Variants in SDHA observed in about 807,000 individuals in gnomAD.
The protein encoded by SDHA is succinate dehydrogenase [ubiquinone] flavoprotein subunit, mitochondrial.
Under a neutral mutation model 78.4 loss-of-function variants are expected in SDHA, and 48 were observed. That is an observed-to-expected ratio of 0.61 (90% confidence interval 0.49 to 0.78). SDHA has a LOEUF of 0.78. Ranked by LOEUF, SDHA falls within the 30% of genes least tolerant of loss-of-function variation. The pLI is 0.00. For missense variants in SDHA, 680 were observed against 892.7 expected (o/e 0.76, Z 3.04); for synonymous variants, 326 against 353.9 (o/e 0.92, Z 0.88).
At chr5:255,624 G>A (rs893606792) in intron 14 of SDHA, among the ~76,000 whole-genome samples, 1 of 151,856 alleles carries the variant, frequency 6.6e-6, no homozygotes, top group Admixed American at 6.6e-5. Context: ...TATATGTTTT[G>A]TAGAGATGGG....
chr5:256,254 TA>T, intron 14 of SDHA, 79 bp from the exon 15 acceptor site: 2 of 1,039,792 alleles, frequency 1.9e-6, no homozygotes, highest in Middle Eastern at 2.0e-4. Flanking sequence ...CTTTTATAGT[TA>T]AAATTTTTCA....
In SDHA at chr5:225,937, C is replaced by T. The variant is rs776193478; in HGVS notation, c.511C>T (p.Arg171Cys). Residue 171 changes from arginine to cysteine, a missense_variant, in exon 5 of 15, where the codon CGT becomes TGT. Physicochemically the swap from Arg to Cys is radical, Grantham distance 180. Coordinates refer to ENST00000264932, the MANE Select transcript of SDHA (RefSeq NM_004168.4). ...AACTGAAGATGGGAAGATTTATCAG[C>T]GTGCATTTGGTGGACAGAGCCTCAA... The part of the protein sequence containing the change: ...SRTEDGKIYQ[R>C]AFGGQSLKFG... 6 of 1,613,728 alleles carry T rather than the reference C, an allele frequency of 3.7e-6. No homozygotes were observed. The East Asian group carries it at 6.7e-5, about 18-fold the overall frequency.
intron 5 of SDHA, among the ~76,000 whole-genome samples, chr5:226,846 G>GT (rs1735059317): frequency 7.0e-6 from 1 of 143,720 alleles, no homozygotes; most frequent in African/African-American, 2.6e-5. Flanking sequence ...GGAGAATGGC[G>GT]TGAACCCAGG....
intron 11 of SDHA, among the ~76,000 whole-genome samples, chr5:243,940 T>C (rs767394919): frequency 3.3e-5 from 5 of 151,936 alleles, no homozygotes; most frequent in Non-Finnish European, 7.4e-5. Flanking sequence ...TAAAAAAGAA[T>C]GTAGAAAAAA....
the SDHA span, among the ~76,000 whole-genome samples, chr5:263,290 A>G: frequency 2.6e-5 from 4 of 152,012 alleles, no homozygotes; most frequent in African/African-American, 9.7e-5. Context: ...TTTTTTTTTA[A>G]TGATGTCTTT....
Position 252,429 on chromosome 5 carries a change from G to A in SDHA, c.1794+961G>A, listed in dbSNP as rs796964764. Among the ~76,000 whole-genome samples, 196 of 90,944 alleles carry A rather than the reference G, an allele frequency of 2.2e-3. 46 individuals are homozygous for A. The highest frequency in any genetic ancestry group is 0.014 in the African/African-American group (160 of 11,250). 59.7% of individuals were successfully genotyped at this position (90,944 alleles called of 152,430 possible). On this transcript the variant is annotated intron_variant, in intron 13 of 14. Transcript: ENST00000264932. The stretch of plus-strand genomic sequence containing the variant: ...AATAACGAGTAAGCCACCGTTTCAA[G>A]CCTGCCCTGTGGAGGAAATGCCAGT...
intron 10 of SDHA, among the ~76,000 whole-genome samples, chr5:236,817 T>A (rs4957001): frequency 0.73 from 110,352 of 151,674 alleles, 40,639 homozygotes; most frequent in Non-Finnish European, 0.76. Context: ...GGCTAATTTT[T>A]AAAAAAATTT....
chr5:266,052 C>A, the SDHA span, among the ~76,000 whole-genome samples: 1 of 96,162 alleles, frequency 1.0e-5, no homozygotes, highest in Non-Finnish European at 1.9e-5. Context: ...GACCCTACCC[C>A]AGATCTTCCG....
At chr5:252,305 A>C (rs1391819268) in intron 13 of SDHA, among the ~76,000 whole-genome samples, 2 of 127,926 alleles carry the variant, frequency 1.6e-5, no homozygotes, top group Non-Finnish European at 3.1e-5. Flanking sequence ...CGAGTAAGCC[A>C]CCGTTTCAAG....
At position 218,369 on chromosome 5, in the gene SDHA, G is replaced by C. The variant is rs779027774; in HGVS notation, c.14G>C (p.Arg5Pro). The C allele has an allele frequency of 2.7e-6, 4 of 1,456,258 alleles. No homozygotes were observed. Among genetic ancestry groups the C allele is most frequent in the Admixed American group, 2.5e-5 (1 of 40,244 alleles). The allele number at this position is 1,456,258 out of a possible 1,614,324, so 90.2% of individuals were successfully genotyped here. A position where few individuals can be genotyped will look rare whatever the true frequency, so the allele number is the denominator to read the frequency against. Residue 5 changes from arginine (R) to proline (P), a missense_variant, in exon 1 of 15, where the codon CGG becomes CCG. Coordinates refer to ENST00000264932, the MANE Select transcript of SDHA (RefSeq NM_004168.4). ...GCAACAGCAGACATGTCGGGGGTCCGGGGCCTGTCGCGGCTGCTGAGCGCT... is the reference window on the plus strand; with the variant it reads ...GCAACAGCAGACATGTCGGGGGTCCCGGGCCTGTCGCGGCTGCTGAGCGCT... MSGV[R>P]GLSRLLSARR...
intron 6 of SDHA, among the ~76,000 whole-genome samples, chr5:230,573 C>G (rs1735333525): frequency 6.6e-6 from 1 of 152,150 alleles, no homozygotes; most frequent in Admixed American, 6.5e-5. Flanking sequence ...TTGCTGTGAG[C>G]CGAGATCGCA....
intron 14 of SDHA, among the ~76,000 whole-genome samples, chr5:255,104 GC>G (rs1737100326): frequency 1.0e-5 from 1 of 98,510 alleles, no homozygotes; most frequent in East Asian, 2.2e-4. Flanking sequence ...CACACGGTGA[GC>G]AGCGTCCTGG....
the SDHA span, among the ~76,000 whole-genome samples, chr5:268,485 C>T: frequency 2.0e-5 from 3 of 152,032 alleles, no homozygotes; most frequent in South Asian, 2.1e-4. Context: ...TTTCTTTAAA[C>T]CTTAATTTCA....
intron 1 of SDHA, among the ~76,000 whole-genome samples, chr5:220,855 C>G (rs1734673348): frequency 6.9e-6 from 1 of 145,944 alleles, no homozygotes; most frequent in Admixed American, 7.0e-5. Context: ...CTCTGTCACC[C>G]AGGCTGGAGT....
chr5:256,336 C>T lies in SDHA; in HGVS notation c.1911C>T (p.Val637=), dbSNP rs11557098. ...TACCACTGACTCTTCTTTTCAAGGTCACTCTGGAATATAGACCCGTGATCG... is the reference window on the plus strand; with the variant it reads ...TACCACTGACTCTTCTTTTCAAGGTTACTCTGGAATATAGACCCGTGATCG... ...LSYVDVGTGK[V]TLEYRPVIDK... The change falls in exon 15 of 15, where the codon GTC becomes GTT. Residue 637 remains valine, a splice_region_variant and synonymous_variant. Transcript: ENST00000264932. 1.6e-3 allele frequency: 2,571 copies of T among 1,612,834 alleles called. 43 individuals carry two copies. The East Asian group carries it at 0.039, about 24-fold the overall frequency.
chr5:224,258 C>T, intron 2 of SDHA, 102 bp from the exon 3 acceptor site: 3 of 1,248,110 alleles, frequency 2.4e-6, no homozygotes, highest in Non-Finnish European at 3.5e-6. Flanking sequence ...GTGTGCCCAG[C>T]AGTTGCTCCT....
intron 13 of SDHA, chr5:251,862 T>A: frequency 2.5e-6 from 1 of 408,036 alleles, no homozygotes; most frequent in South Asian, 2.0e-5. Flanking sequence ...AAGCCACCGT[T>A]TCAAACCTGC....
At chr5:228,844 C>T (rs1039942865) in intron 6 of SDHA, among the ~76,000 whole-genome samples, 1 of 151,554 alleles carries the variant, frequency 6.6e-6, no homozygotes, top group Non-Finnish European at 1.5e-5. Flanking sequence ...AAATATTTTC[C>T]AAACCATATG....
rs1579438083 is a variant in SDHA, at chr5:251,076, C to A, written c.1636C>A (p.Leu546Ile). The A allele has an allele frequency of 1.2e-6, 2 of 1,611,942 alleles. No individual in the cohort carries two copies. Among genetic ancestry groups the A allele is most frequent in the Non-Finnish European group, 1.7e-6 (2 of 1,179,812 alleles). The change falls in exon 12 of 15, where the codon CTA becomes ATA. Residue 546 changes from leucine to isoleucine, a missense_variant. Coordinates refer to ENST00000264932, the MANE Select transcript of SDHA (RefSeq NM_004168.4). ...CGKISKLYGDLKHLKTFDRGM... is the reference protein window; with the variant it reads ...CGKISKLYGDIKHLKTFDRGM... ...GAAAATCAGCAAGCTCTATGGAGAC[C>A]TAAAGCACCTGAAGACGTTCGACCG...
Sources: allele counts gnomAD v4.1 joint callset (sites outside exome capture counted in the v4.1 genomes callset), GRCh38; gene constraint gnomAD v4.1.1; transcripts MANE v1.5; gene names NCBI Gene and HGNC (gene_info 2026-07-23, HGNC 2026-07-21).